Variants in RAD54L2 observed in about 807,000 individuals in gnomAD.
The protein encoded by RAD54L2 is helicase ARIP4.
Under a neutral mutation model 138.4 loss-of-function variants are expected in RAD54L2, and 27 were observed. The observed-to-expected ratio is 0.20, with a 90% confidence interval of 0.14 to 0.27. The LOEUF (loss-of-function observed/expected upper bound fraction) is 0.27, where lower values mean the gene tolerates loss of function less well. RAD54L2 is among the 10% of genes least tolerant of loss of function. RAD54L2 has a pLI of 1.00. For synonymous variants in RAD54L2, 644 were observed against 723.2 expected (o/e 0.89, Z 1.76); for missense variants, 1,396 against 1,890.2 (o/e 0.74, Z 4.85).
At position 51,631,835 on chromosome 3, in the gene RAD54L2, T is replaced by C. The variant is rs1420594037; in HGVS notation, c.825+904T>C. The stretch of plus-strand genomic sequence containing the variant: ...TTTTTGTAGAGACGAGGTCTCACTA[T>C]GTTGCCTAGTCCGGTTTTGAAGTCC... On this transcript the variant is annotated intron_variant, in intron 7 of 22. Coordinates refer to ENST00000684192, the MANE Select transcript of RAD54L2 (RefSeq NM_015106.4). 3.9e-5 allele frequency among the ~76,000 whole-genome samples: 6 copies of C among 152,076 alleles called. 1 individual carries two copies. The highest frequency in any genetic ancestry group is 3.3e-4 in the Admixed American group (5 of 15,260).
In RAD54L2 at chr3:51,667,575, A is replaced by T. The variant is rs1007624000; in HGVS notation, c.*4155A>T. 1.3e-5 allele frequency: 2 copies of T among 152,228 alleles called. No individual in the cohort carries two copies. The highest frequency in any genetic ancestry group is 2.9e-5 in the Non-Finnish European group (2 of 68,106). 9.4% of individuals were successfully genotyped at this position (152,228 alleles called of 1,614,324 possible). A position where few individuals can be genotyped will look rare whatever the true frequency, so the allele number is the denominator to read the frequency against. ...AAACTAAGTGAAGTCATCCTTCCCC[A>T]AAAGGACCCCTGGGAGATGTTCTGG... On this transcript the variant is annotated 3_prime_UTR_variant, in exon 23 of 23. Transcript: ENST00000684192.
intron 3 of RAD54L2, among the ~76,000 whole-genome samples, chr3:51,612,031 A>G (rs1394437600): frequency 6.6e-6 from 1 of 152,230 alleles, no homozygotes; most frequent in Non-Finnish European, 1.5e-5. Flanking sequence ...GAGGGAAATC[A>G]AACTAAATAT....
intron 2 of RAD54L2, among the ~76,000 whole-genome samples, chr3:51,551,345 C>T (rs1265427087): frequency 6.6e-6 from 1 of 152,000 alleles, no homozygotes. Context: ...GTTTCCCAGG[C>T]TGGTCTTGAA....
At chr3:51,554,631 G>C (rs921845610) in intron 2 of RAD54L2, among the ~76,000 whole-genome samples, 1 of 152,158 alleles carries the variant, frequency 6.6e-6, no homozygotes, top group Admixed American at 6.5e-5. Context: ...CATCGTTTGT[G>C]GTGGAAAATT....
intron 2 of RAD54L2, among the ~76,000 whole-genome samples, chr3:51,556,556 A>T (rs1698970726): frequency 2.0e-5 from 3 of 149,038 alleles, no homozygotes; most frequent in Admixed American, 2.0e-4. Flanking sequence ...TGCCAACCAG[A>T]TGCTTTATCT....
Position 51,639,898 on chromosome 3 carries a change from T to C in RAD54L2, c.2130T>C (p.Thr710=), listed in dbSNP as rs1337876507. ...TCTTGCAGGCCAAGGACCTTCTGAC[T>C]AATTACCAGACTGGAGTCCTAGAAA... ...VTYEWAKDLL[T]NYQTGVLENS... is the part of the protein sequence containing the mutation. The change falls in exon 14 of 23, where the codon ACT becomes ACC. Residue 710 remains threonine, a synonymous_variant. Transcript: ENST00000684192. 1.6e-5 allele frequency: 26 copies of C among 1,607,900 alleles called. No homozygotes were observed. The highest frequency in any genetic ancestry group is 2.2e-5 in the Non-Finnish European group (26 of 1,175,650).
At chr3:51,539,978 G>A (rs1243089159) in intron 1 of RAD54L2, among the ~76,000 whole-genome samples, 1 of 152,160 alleles carries the variant, frequency 6.6e-6, no homozygotes, top group African/African-American at 2.4e-5. Flanking sequence ...GAATTTCTTT[G>A]TGGTATTTGG....
chr3:51,646,342 G>T lies in RAD54L2; in HGVS notation c.2887G>T (p.Ala963Ser). The change falls in exon 19 of 23, where the codon GCT (alanine) becomes TCT (serine). Residue 963 changes from alanine (A) to serine (S), a missense_variant. Ala to Ser is a moderately conservative substitution (Grantham distance 99, BLOSUM62 1). Around this residue, in one of 7 missense-constraint regions of RAD54L2, gnomAD observed 634 missense variants for 711.2 expected, o/e 0.89. Transcript: ENST00000684192. ...CCGAAAGGATCACAAGCTAACCAAG[G>T]CTGAGAAAAAAGCAGCAAAGAAAAG... ...LNRKDHKLTK[A>S]EKKAAKKSYE... 1 of 1,609,814 alleles carries T rather than the reference G, an allele frequency of 6.2e-7. No homozygotes were observed.
chr3:51,629,759 G>T (rs992815662), intron 5 of RAD54L2, among the ~76,000 whole-genome samples: 5 of 152,116 alleles, frequency 3.3e-5, no homozygotes, highest in African/African-American at 1.2e-4. Flanking sequence ...GCTACTAGGA[G>T]GCTGAGGCAG....
chr3:51,658,081 C>G (rs375481324), intron 21 of RAD54L2, among the ~76,000 whole-genome samples: 2 of 151,572 alleles, frequency 1.3e-5, no homozygotes, highest in South Asian at 2.1e-4. Flanking sequence ...TGCGCCACCA[C>G]GCACAGCTGA....
chr3:51,598,729 C>A (rs1215588626), intron 3 of RAD54L2, among the ~76,000 whole-genome samples: 2 of 152,152 alleles, frequency 1.3e-5, no homozygotes, highest in African/African-American at 4.8e-5. Flanking sequence ...GCACTATAGC[C>A]TGGGTGACAG....
chr3:51,551,082 A>G (rs769660955), intron 2 of RAD54L2, among the ~76,000 whole-genome samples: 3 of 152,000 alleles, frequency 2.0e-5, no homozygotes, highest in Non-Finnish European at 4.4e-5. Context: ...TCCTTTGTAC[A>G]GAAATGGGGT....
intron 2 of RAD54L2, among the ~76,000 whole-genome samples, chr3:51,569,159 G>GT (rs1168319968): frequency 2.0e-5 from 3 of 152,080 alleles, no homozygotes; most frequent in Non-Finnish European, 2.9e-5. Context: ...AATAAGTAGG[G>GT]GCAGGGATCT....
chr3:51,640,990 T>G (rs1250002078), intron 14 of RAD54L2, among the ~76,000 whole-genome samples: 1 of 152,104 alleles, frequency 6.6e-6, no homozygotes, highest in African/African-American at 2.4e-5. Context: ...AGTTACCTCT[T>G]TCTGTTTCTT....
chr3:51,546,169 C>T (rs552547843), intron 2 of RAD54L2, among the ~76,000 whole-genome samples: 1 of 151,320 alleles, frequency 6.6e-6, no homozygotes, highest in Admixed American at 6.6e-5. Flanking sequence ...GAACTCTTGA[C>T]CTCAGGTGAT....
intron 10 of RAD54L2, among the ~76,000 whole-genome samples, chr3:51,636,652 G>A (rs568004245): frequency 4.4e-4 from 67 of 152,326 alleles, no homozygotes; most frequent in Non-Finnish European, 7.6e-4. Context: ...AATAAAGTAA[G>A]GAAAGGAACG....
chr3:51,630,193 G>C (rs1282445053), intron 5 of RAD54L2, 79 bp from the exon 6 acceptor site: 4 of 1,078,852 alleles, frequency 3.7e-6, no homozygotes, highest in South Asian at 1.3e-5. Context: ...AAAAGAAAAG[G>C]GGTGGTGAAT....
intron 7 of RAD54L2, among the ~76,000 whole-genome samples, chr3:51,633,284 A>G (rs1297447744): frequency 1.3e-5 from 2 of 152,188 alleles, no homozygotes; most frequent in Admixed American, 6.5e-5. Context: ...GAGCTTTCCA[A>G]TGCTGAGGGA....
chr3:51,648,732 AACT>A (rs1445687447), intron 19 of RAD54L2, among the ~76,000 whole-genome samples: 1 of 152,214 alleles, frequency 6.6e-6, no homozygotes, highest in Non-Finnish European at 1.5e-5. Flanking sequence ...TTAGAAGGAA[AACT>A]ACAGAAAGGA....
Sources: gnomAD v4.1 joint callset for allele counts (sites outside exome capture counted in the v4.1 genomes callset) on GRCh38, gnomAD v4.1.1 for gene constraint, gnomAD v4.1.1 regional missense constraint, MANE v1.5 for transcripts, NCBI Gene and HGNC (gene_info 2026-07-23, HGNC 2026-07-21) for gene names.